The following OLA1 variants were observed in gnomAD, a reference collection of about 807,000 sequenced individuals.
The protein encoded by OLA1 is obg-like ATPase 1.
A neutral mutation model predicts 48.4 loss-of-function variants in OLA1; 14 were observed. That is an observed-to-expected ratio of 0.29 (90% CI 0.19 to 0.45). OLA1 has a LOEUF of 0.45. Ranked by LOEUF, OLA1 falls within the 20% of genes least tolerant of loss-of-function variation. OLA1 has a pLI of 1.00. For missense variants in OLA1, 325 were observed against 467.1 expected (o/e 0.70, Z 2.80); for synonymous variants, 127 against 150.4 (o/e 0.84, Z 1.14).
chr2:174,096,787 G>A (rs1685266130), intron 7 of OLA1, among the ~76,000 whole-genome samples: 1 of 152,068 alleles, frequency 6.6e-6, no homozygotes, highest in Admixed American at 6.6e-5. Context: ...TCAGTGAGTG[G>A]GTCATTCTCA....
intron 2 of OLA1, among the ~76,000 whole-genome samples, chr2:174,233,059 A>G (rs1248571426): frequency 1.3e-5 from 2 of 152,374 alleles, no homozygotes; most frequent in Non-Finnish European, 2.9e-5. Context: ...TACAACATGA[A>G]TAAACTTTAA....
At position 174,173,749 on chromosome 2, in the gene OLA1, C is replaced by T. The variant is rs183134607; in HGVS notation, c.374-31749G>A. On this transcript the variant is annotated intron_variant, in intron 4 of 10. Coordinates refer to ENST00000284719, the MANE Select transcript of OLA1 (RefSeq NM_013341.5). ...AAAAAGCTCAATAAAATTGATAAGC[C>T]TCTAGATAGACTAATCAAAAAGAAA... 4.3e-3 allele frequency among the ~76,000 whole-genome samples: 652 copies of T among 151,678 alleles called. 7 individuals carry two copies. The highest frequency in any genetic ancestry group is 0.038 in the South Asian group (183 of 4,816).
intron 7 of OLA1, among the ~76,000 whole-genome samples, chr2:174,104,258 C>A (rs1386609001): frequency 3.3e-5 from 5 of 151,842 alleles, no homozygotes; most frequent in Admixed American, 1.3e-4. Context: ...ACACTTTTGT[C>A]TTTTTTAAAA....
chr2:174,178,345 C>T (rs1336979182), intron 4 of OLA1, among the ~76,000 whole-genome samples: 1 of 151,908 alleles, frequency 6.6e-6, no homozygotes, highest in Non-Finnish European at 1.5e-5. Context: ...AAGAACTAAA[C>T]TAATTTTACA....
chr2:174,138,563 A>G (rs1376583614), intron 5 of OLA1, among the ~76,000 whole-genome samples: 1 of 152,240 alleles, frequency 6.6e-6, no homozygotes, highest in African/African-American at 2.4e-5. Context: ...ACACAAAGGG[A>G]GCACATGCTG....
At chr2:174,087,031 CTTT>C (rs374845811) in intron 7 of OLA1, among the ~76,000 whole-genome samples, 1 of 142,064 alleles carries the variant, frequency 7.0e-6, no homozygotes. Flanking sequence ...TTCTTTTTTT[CTTT>C]TTTTTTTTTT....
At chr2:174,208,351 C>A (rs1262435450) in intron 4 of OLA1, among the ~76,000 whole-genome samples, 1 of 152,128 alleles carries the variant, frequency 6.6e-6, no homozygotes, top group African/African-American at 2.4e-5. Flanking sequence ...TACTTTCCCT[C>A]AACTTCTTTG....
intron 3 of OLA1, among the ~76,000 whole-genome samples, chr2:174,226,340 A>G (rs1688616997): frequency 6.6e-6 from 1 of 152,218 alleles, no homozygotes; most frequent in African/African-American, 2.4e-5. Context: ...GTATTACACT[A>G]ATGATCTCAT....
intron 4 of OLA1, among the ~76,000 whole-genome samples, chr2:174,198,113 C>T (rs1264980826): frequency 3.3e-5 from 5 of 152,060 alleles, no homozygotes; most frequent in Admixed American, 6.6e-5. Context: ...TACAGGCATG[C>T]CACCACGTCC....
intron 5 of OLA1, among the ~76,000 whole-genome samples, chr2:174,130,847 G>C (rs1686164319): frequency 6.6e-6 from 1 of 152,170 alleles, no homozygotes; most frequent in Non-Finnish European, 1.5e-5. Flanking sequence ...AATAGGAGCA[G>C]ATGAACTGAC....
chr2:174,242,467 C>T (rs762837059), intron 2 of OLA1, among the ~76,000 whole-genome samples: 2 of 152,154 alleles, frequency 1.3e-5, no homozygotes, highest in African/African-American at 2.4e-5. Context: ...CGCCACAGAT[C>T]GGTACCAGTC....
chr2:174,098,951 AT>A (rs915964924), intron 7 of OLA1, among the ~76,000 whole-genome samples: 24 of 151,018 alleles, frequency 1.6e-4, no homozygotes, highest in African/African-American at 4.9e-4. Context: ...CTTCAAAGGC[AT>A]TTTTTTTTCT....
chr2:174,088,286 A>C (rs1478074655), intron 7 of OLA1, among the ~76,000 whole-genome samples: 3 of 152,196 alleles, frequency 2.0e-5, no homozygotes, highest in Non-Finnish European at 4.4e-5. Context: ...TTCTCCCTTG[A>C]AGGTTTACAC....
At chr2:174,237,132 T>G (rs1688873127) in intron 2 of OLA1, among the ~76,000 whole-genome samples, 1 of 152,106 alleles carries the variant, frequency 6.6e-6, no homozygotes, top group Non-Finnish European at 1.5e-5. Context: ...CAAAAATATT[T>G]TTTCTTTATA....
chr2:174,154,922 T>G (rs1686837117), intron 4 of OLA1, among the ~76,000 whole-genome samples: 1 of 152,182 alleles, frequency 6.6e-6, no homozygotes, highest in Non-Finnish European at 1.5e-5. Flanking sequence ...TTTCTCATCT[T>G]TCATGCTGTT....
intron 7 of OLA1, among the ~76,000 whole-genome samples, chr2:174,102,974 G>C (rs950577538): frequency 1.3e-5 from 2 of 152,148 alleles, no homozygotes; most frequent in African/African-American, 4.8e-5. Context: ...GTGACAATGA[G>C]TAATATGCCA....
chr2:174,110,456 T>C (rs942761223), intron 7 of OLA1, among the ~76,000 whole-genome samples: 3 of 151,670 alleles, frequency 2.0e-5, no homozygotes, highest in Non-Finnish European at 4.4e-5. Flanking sequence ...CCGGCCAATT[T>C]TTTTTTGAGA....
At chr2:174,110,455 T>C (rs1685622158) in intron 7 of OLA1, among the ~76,000 whole-genome samples, 1 of 150,600 alleles carries the variant, frequency 6.6e-6, no homozygotes, top group African/African-American at 2.4e-5. Context: ...CCCGGCCAAT[T>C]TTTTTTTGAG....
rs758376064 is a variant in OLA1 at position 174,079,000 on chromosome 2, A to C, written c.1057T>G (p.Phe353Val). The C allele has an allele frequency of 1.2e-6, 2 of 1,604,286 alleles. No individual in the cohort carries two copies. Among genetic ancestry groups the C allele is most frequent in the South Asian group, 2.2e-5 (2 of 89,810 alleles). ...IMAEVMKYED[F>V]KEEGSENAVK... ...GCATTTTCAGAACCTTCCTCTTTAA[A>C]ATCTTCGTATTTCATTACTTCAGCC... is the stretch of plus-strand genomic sequence containing the variant. The change falls in exon 10 of 11, where the codon TTT (phenylalanine) becomes GTT (valine). Residue 353 changes from phenylalanine to valine, a missense_variant. By Grantham distance (50) the Phe-to-Val change is conservative. Transcript: ENST00000284719.
Sources: allele counts gnomAD v4.1 joint callset (sites outside exome capture counted in the v4.1 genomes callset), GRCh38; gene constraint gnomAD v4.1.1; transcripts MANE v1.5; gene names NCBI Gene and HGNC (gene_info 2026-07-23, HGNC 2026-07-21).